FRMD3: variants seen among roughly 807,000 people sequenced by gnomAD.
The protein encoded by FRMD3 is FERM domain-containing protein 3.
Under a neutral mutation model 70.2 loss-of-function variants are expected in FRMD3, and 33 were observed. The observed-to-expected ratio is 0.47, with a 90% confidence interval of 0.36 to 0.63. The LOEUF is 0.63. Ranked by LOEUF, FRMD3 falls within the 20% of genes least tolerant of loss-of-function variation. The probability of loss-of-function intolerance (pLI) is 0.00; values close to 1 mark genes in which losing one functional copy is unlikely to be tolerated. For synonymous variants in FRMD3, 279 were observed against 255.9 expected (o/e 1.09, Z -0.86); for missense variants, 632 against 711.4 (o/e 0.89, Z 1.27).
intron 10 of FRMD3, among the ~76,000 whole-genome samples, chr9:83,299,832 C>A (rs1354387561): frequency 6.6e-6 from 1 of 152,232 alleles, no homozygotes; most frequent in Non-Finnish European, 1.5e-5. Flanking sequence ...TGATTCAGCA[C>A]CTCTGAGCCC....
At chr9:83,489,304 A>G (rs1263336192) in intron 1 of FRMD3, among the ~76,000 whole-genome samples, 4 of 152,300 alleles carry the variant, frequency 2.6e-5, no homozygotes, top group Admixed American at 2.0e-4. Context: ...GAAACTATCA[A>G]CAGAGTAAAC....
intron 1 of FRMD3, among the ~76,000 whole-genome samples, chr9:83,407,492 C>T (rs1433311900): frequency 1.3e-5 from 2 of 152,122 alleles, no homozygotes; most frequent in East Asian, 1.9e-4. Context: ...AAAAGGCATT[C>T]GGCTCCACAA....
chr9:83,583,430 C>T, the FRMD3 span, among the ~76,000 whole-genome samples: 1 of 152,150 alleles, frequency 6.6e-6, no homozygotes, highest in African/African-American at 2.4e-5. Flanking sequence ...CATTTTCTCA[C>T]AATACCGTAC....
intron 11 of FRMD3, 121 bp from the exon 12 acceptor site, chr9:83,298,937 G>T: frequency 3.8e-6 from 4 of 1,066,134 alleles, no homozygotes; most frequent in Non-Finnish European, 5.8e-6. Flanking sequence ...ATCATGAGGG[G>T]GAAAATTACG....
chr9:83,359,762 G>A (rs1824524001), intron 3 of FRMD3, among the ~76,000 whole-genome samples: 2 of 152,088 alleles, frequency 1.3e-5, no homozygotes, highest in Admixed American at 6.6e-5. Context: ...AACATAGGTG[G>A]TGACTAGGTG....
intron 5 of FRMD3, 51 bp downstream of exon 5, chr9:83,343,139 C>G: frequency 7.7e-7 from 1 of 1,306,768 alleles, no homozygotes; most frequent in Non-Finnish European, 1.1e-6. Flanking sequence ...CTTGAAACAG[C>G]CAGAGCTCCA....
At chr9:83,577,372 T>C in the FRMD3 span, among the ~76,000 whole-genome samples, 39 of 152,194 alleles carry the variant, frequency 2.6e-4, no homozygotes, top group South Asian at 2.9e-3. Flanking sequence ...TGTAGATCCA[T>C]AGAATAGAAT....
At chr9:83,479,286 A>AAAGAAG (rs3084910) in intron 1 of FRMD3, among the ~76,000 whole-genome samples, 22 of 145,062 alleles carry the variant, frequency 1.5e-4, no homozygotes, top group South Asian at 1.3e-3. Flanking sequence ...TGTGTCTCTA[A>AAAGAAG]AAGAAGAAGA....
chr9:83,511,449 C>T (rs917320111), intron 1 of FRMD3, among the ~76,000 whole-genome samples: 6 of 152,044 alleles, frequency 3.9e-5, no homozygotes, highest in Non-Finnish European at 5.9e-5. Context: ...ATGGATCAAA[C>T]GAAGTGCTCT....
intron 1 of FRMD3, among the ~76,000 whole-genome samples, chr9:83,419,713 A>G (rs986158511): frequency 1.3e-5 from 2 of 151,936 alleles, no homozygotes; most frequent in Admixed American, 1.3e-4. Context: ...TGTGTGTGCT[A>G]TGTACTGGGG....
the FRMD3 span, among the ~76,000 whole-genome samples, chr9:83,578,550 A>G: frequency 1.3e-5 from 2 of 152,040 alleles, no homozygotes; most frequent in African/African-American, 4.8e-5. Flanking sequence ...GATATACCAC[A>G]TTTACAAAAT....
intron 13 of FRMD3, among the ~76,000 whole-genome samples, chr9:83,284,417 GGCC>G: frequency 2.0e-5 from 3 of 152,150 alleles, no homozygotes; most frequent in Non-Finnish European, 4.4e-5. Context: ...AGACCACCCT[GGCC>G]AACGTGGTGA....
chr9:83,540,469 GAGA>G (rs1477499915), upstream of FRMD3, among the ~76,000 whole-genome samples: 1 of 152,172 alleles, frequency 6.6e-6, no homozygotes, highest in African/African-American at 2.4e-5. Flanking sequence ...TTGAAGAAAT[GAGA>G]AGAATCTGAG....
intron 1 of FRMD3, among the ~76,000 whole-genome samples, chr9:83,451,020 C>T (rs901887792): frequency 2.0e-5 from 3 of 152,158 alleles, no homozygotes; most frequent in Non-Finnish European, 4.4e-5. Flanking sequence ...TTACCTTCAA[C>T]CCGAGAGCAA....
In FRMD3 at chr9:83,524,662, T is replaced by C. The variant is rs573188239; in HGVS notation, c.147+13423A>G. On this transcript the variant is annotated intron_variant, in intron 1 of 13. Coordinates refer to ENST00000304195, the MANE Select transcript of FRMD3 (RefSeq NM_174938.6). ...AGCAAACCTAAAATACAAGACACAATACCCCATCCTAATCTTGCTAAATAT... is the reference window on the plus strand; with the variant it reads ...AGCAAACCTAAAATACAAGACACAACACCCCATCCTAATCTTGCTAAATAT... Among the ~76,000 whole-genome samples the C allele has an allele frequency of 2.3e-4, 35 of 152,306 alleles. No individual in the cohort carries two copies. In the South Asian group the frequency reaches 7.0e-3, roughly 31 times the overall value.
At chr9:83,256,627 C>G (rs1832720544) in intron 13 of FRMD3, among the ~76,000 whole-genome samples, 1 of 151,972 alleles carries the variant, frequency 6.6e-6, no homozygotes, top group Non-Finnish European at 1.5e-5. Context: ...TGACAAAGGT[C>G]TAATGTCCAC....
intron 1 of FRMD3, among the ~76,000 whole-genome samples, chr9:83,501,574 C>T (rs1207801215): frequency 6.6e-6 from 1 of 152,104 alleles, no homozygotes. Context: ...TTTTCCCACA[C>T]AAAAATGATA....
intron 1 of FRMD3, among the ~76,000 whole-genome samples, chr9:83,458,720 C>T (rs1241449361): frequency 6.6e-6 from 1 of 152,084 alleles, no homozygotes; most frequent in Non-Finnish European, 1.5e-5. Context: ...AACTCAAAAG[C>T]CAGCAAAATG....
At chr9:83,471,918 C>T (rs1828278293) in intron 1 of FRMD3, among the ~76,000 whole-genome samples, 2 of 152,164 alleles carry the variant, frequency 1.3e-5, no homozygotes, top group Admixed American at 1.3e-4. Context: ...TAACTTTGGG[C>T]AAGTGTCCTA....
Sources: gnomAD v4.1 joint callset for allele counts (sites outside exome capture counted in the v4.1 genomes callset) on GRCh38, gnomAD v4.1.1 for gene constraint, MANE v1.5 for transcripts, NCBI Gene and HGNC (gene_info 2026-07-23, HGNC 2026-07-21) for gene names.